PCDH12: variants seen among roughly 807,000 people sequenced by gnomAD.
PCDH12 encodes protocadherin-12.
In PCDH12, 45 loss-of-function variants were observed where a neutral mutation model predicts 70.9. That is an observed-to-expected ratio of 0.63 (90% confidence interval 0.50 to 0.81). PCDH12 has a LOEUF of 0.81. PCDH12 is among the 40% of genes least tolerant of loss of function. PCDH12 has a pLI of 0.00. For missense variants in PCDH12, 1,370 were observed against 1,491.7 expected (o/e 0.92, Z 1.34); for synonymous variants, 567 against 626.0 (o/e 0.91, Z 1.41).
chr5:141,957,906 A>G lies in PCDH12; in HGVS notation c.-55T>C, dbSNP rs1425999527. The stretch of plus-strand genomic sequence containing the variant: ...ACCACTAGAGTTCTTTCAAGGCTGG[A>G]CAAGTCCTCCAGTGTTTCCTGGATG... On this transcript the variant is annotated 5_prime_UTR_variant, in exon 1 of 4. Transcript: ENST00000231484. The surrounding 1 kb of genome is among the most constrained non-coding windows in gnomAD (Gnocchi z 4.3). 3.9e-6 allele frequency: 6 copies of G among 1,552,586 alleles called. No individual in the cohort carries two copies. The highest frequency in any genetic ancestry group is 2.7e-5 in the African/African-American group (2 of 73,878).
Position 141,945,819 on chromosome 5 carries a change from A to AG in PCDH12, c.3131-15dup. ...CCAGGGCCAGACCTGTGGGGGAAGG[A>AG]GGGGACACAGTGAGGGCCAGGCTCC... is the stretch of plus-strand genomic sequence containing the variant. On this transcript the variant is annotated splice_polypyrimidine_tract_variant and intron_variant, in intron 3 of 3. Coordinates refer to ENST00000231484, the MANE Select transcript of PCDH12 (RefSeq NM_016580.4). 1 of 1,604,708 alleles carries AG rather than the reference A, an allele frequency of 6.2e-7. No homozygotes were observed. Among genetic ancestry groups the AG allele is most frequent in the Non-Finnish European group, 8.5e-7 (1 of 1,175,456 alleles).
chr5:141,951,736 C>G (rs1753087389), intron 1 of PCDH12, 146 bp from the exon 2 acceptor site: 1 of 673,804 alleles, frequency 1.5e-6, no homozygotes, highest in Admixed American at 2.2e-5. Context: ...GGGATGGTGC[C>G]CAGTGACAGA....
intron 3 of PCDH12, among the ~76,000 whole-genome samples, chr5:141,947,329 T>C (rs1401857183): frequency 6.6e-6 from 1 of 152,248 alleles, no homozygotes; most frequent in Non-Finnish European, 1.5e-5. Context: ...CCTTAGTTCC[T>C]TGAGACTCTG....
At position 141,955,880 on chromosome 5, in the gene PCDH12, C is replaced by T. The variant is rs150358276; in HGVS notation, c.1972G>A (p.Val658Ile). 126 of 1,614,054 alleles carry T rather than the reference C, an allele frequency of 7.8e-5. No homozygotes were observed. The highest frequency in any genetic ancestry group is 5.5e-4 in the African/African-American group (41 of 74,934). ...ILNPHTGQLFVNVTNASSLIG... is the reference protein window; with the variant it reads ...ILNPHTGQLFINVTNASSLIG... ...AGGCTGCTGGCATTGGTGACATTGA[C>T]GAACAGCTGCCCCGTATGAGGGTTG... The change falls in exon 1 of 4, where the codon GTC (valine) becomes ATC (isoleucine). Residue 658 changes from valine (V) to isoleucine (I), a missense_variant. By Grantham distance (29) the Val-to-Ile change is conservative. Transcript: ENST00000231484. The surrounding 1 kb of genome is among the most constrained non-coding windows in gnomAD (Gnocchi z 5.5).
rs141990944 is a variant in PCDH12, at chr5:141,955,007, C to T, written c.2845G>A (p.Val949Met). Residue 949 changes from valine (V) to methionine (M), a missense_variant, in exon 1 of 4, where the codon GTG (valine) becomes ATG (methionine). By Grantham distance (21) the Val-to-Met change is conservative (BLOSUM62 1). Transcript: ENST00000231484. This position sits in a 1 kb window ranked among gnomAD's most constrained non-coding sequence, Gnocchi z 5.5. ...SVAAFAERNP[V>M]EELTVDSPPV... ...GGAGAATCCACAGTGAGCTCCTCCACGGGGTTCCGCTCGGCGAAGGCAGCC... is the reference window on the plus strand; with the variant it reads ...GGAGAATCCACAGTGAGCTCCTCCATGGGGTTCCGCTCGGCGAAGGCAGCC... The T allele has an allele frequency of 2.3e-4, 371 of 1,613,982 alleles. 3 individuals are homozygous for T. The East Asian group carries it at 6.6e-3, about 29-fold the overall frequency.
At chr5:141,946,903 TAA>T (rs5871795) in intron 3 of PCDH12, among the ~76,000 whole-genome samples, 66,876 of 145,332 alleles carry the variant, frequency 0.46, 15,412 homozygotes, top group East Asian at 0.8. Context: ...TTAAAAAAAT[TAA>T]AAAAAAAAAA....
intron 3 of PCDH12, 118 bp from the exon 4 acceptor site, chr5:141,945,923 GGACA>G (rs1752911339): frequency 2.2e-6 from 2 of 930,180 alleles, no homozygotes; most frequent in African/African-American, 3.3e-5. Flanking sequence ...AAATGGCAGG[GGACA>G]GACAGAGTGG....
rs1246951263 is a variant in PCDH12, at chr5:141,955,633, C to T, written c.2219G>A (p.Cys740Tyr). 1 of 1,614,138 alleles carries T rather than the reference C, an allele frequency of 6.2e-7. No homozygotes were observed. Among genetic ancestry groups the T allele is most frequent in the Admixed American group, 1.7e-5 (1 of 60,012 alleles). Reference protein sequence around the residue: ...GLILALFMSICRTEKKDNRAY... With the variant: ...GLILALFMSIYRTEKKDNRAY... ...CCTGTTGTCCTTCTTTTCTGTCCGG[C>T]AGATGGACATGAACAAAGCCAGGAT... Residue 740 changes from cysteine (C) to tyrosine (Y), a missense_variant, in exon 1 of 4, where the codon TGC (cysteine) becomes TAC (tyrosine). By Grantham distance (194) the Cys-to-Tyr change is radical (BLOSUM62 -2). Transcript: ENST00000231484. This position sits in a 1 kb window ranked among gnomAD's most constrained non-coding sequence, Gnocchi z 5.5.
chr5:141,947,656 A>C (rs946914067), intron 3 of PCDH12, among the ~76,000 whole-genome samples: 1 of 152,040 alleles, frequency 6.6e-6, no homozygotes, highest in African/African-American at 2.4e-5. Flanking sequence ...TATCTTGTGG[A>C]GTTGTTGTGA....
Position 141,956,274 on chromosome 5 carries a change from T to C in PCDH12, c.1578A>G (p.Glu526=), listed in dbSNP as rs752360351. ...CCTGGAACTCAAAGCCGGCCATCTC[T>C]TCATAGTTCAGTGACCTCTGAGCAG... ...EVTAQRSLNY[E]EMAGFEFQVI... is the part of the protein sequence containing the mutation. Residue 526 remains glutamate, a synonymous_variant, in exon 1 of 4, where the codon GAA becomes GAG. Transcript: ENST00000231484. The C allele has an allele frequency of 3.8e-5, 62 of 1,614,094 alleles. No homozygotes were observed. The Middle Eastern group carries it at 6.6e-4, about 17-fold the overall frequency.
chr5:141,946,420 C>T (rs962273937), intron 3 of PCDH12, among the ~76,000 whole-genome samples: 8 of 152,218 alleles, frequency 5.3e-5, no homozygotes, highest in Non-Finnish European at 7.3e-5. Flanking sequence ...TGCTAGGCAA[C>T]CAAACCTCAA....
chr5:141,956,761 G>A lies in PCDH12; in HGVS notation c.1091C>T (p.Ser364Leu). ...VTWASQPSLV[S>L]EALPKDSFIA... ...AAAACTGTCCTTGGGAAGAGCTTCT[G>A]ACACCAGTGATGGCTGGGAGGCCCA... The change falls in exon 1 of 4, where the codon TCA becomes TTA. Residue 364 changes from serine (S) to leucine (L), a missense_variant. Transcript: ENST00000231484. 6.2e-7 allele frequency: 1 copy of A among 1,614,228 alleles called. No individual in the cohort carries two copies. Among genetic ancestry groups the A allele is most frequent in the Non-Finnish European group, 8.5e-7 (1 of 1,180,052 alleles).
intron 1 of PCDH12, chr5:141,953,137 C>T (rs1262072986): frequency 6.6e-6 from 1 of 152,246 alleles, no homozygotes; most frequent in Admixed American, 6.5e-5. Context: ...TGAGCACTGT[C>T]ATTCAGGGTC....
chr5:141,947,652 G>A (rs553873535), intron 3 of PCDH12, among the ~76,000 whole-genome samples: 1 of 152,352 alleles, frequency 6.6e-6, no homozygotes, highest in South Asian at 2.1e-4. Context: ...TACGTATCTT[G>A]TGGAGTTGTT....
rs770910818 is a variant in PCDH12, at chr5:141,957,674, T to A, written c.178A>T (p.Arg60Trp). Reference sequence around the variant, plus strand: ...ACCTGGAAGGCAGCCCCAGCTTGCCTCCGCCTCTCCTCCCGGCCCAGTTCC... The same window carrying A: ...ACCTGGAAGGCAGCCCCAGCTTGCCACCGCCTCTCCTCCCGGCCCAGTTCC... The part of the protein sequence containing the change: ...SQELGREERR[R>W]QAGAAFQVLQ... Residue 60 changes from arginine to tryptophan, a missense_variant, in exon 1 of 4, where the codon AGG (arginine) becomes TGG (tryptophan). By Grantham distance (101) the Arg-to-Trp change is moderately radical (BLOSUM62 -3). Transcript: ENST00000231484. This position sits in a 1 kb window ranked among gnomAD's most constrained non-coding sequence, Gnocchi z 4.3. 5.6e-6 allele frequency: 9 copies of A among 1,614,056 alleles called. No homozygotes were observed. Among genetic ancestry groups the A allele is most frequent in the Non-Finnish European group, 6.8e-6 (8 of 1,180,014 alleles).
At chr5:141,951,067 A>G (rs1753071178) in intron 2 of PCDH12, among the ~76,000 whole-genome samples, 1 of 152,172 alleles carries the variant, frequency 6.6e-6, no homozygotes, top group Non-Finnish European at 1.5e-5. Context: ...GGTGTCTTCA[A>G]TTCTAGGATT....
chr5:141,948,777 T>C (rs960620263), intron 3 of PCDH12, among the ~76,000 whole-genome samples: 1 of 152,122 alleles, frequency 6.6e-6, no homozygotes, highest in African/African-American at 2.4e-5. Flanking sequence ...TGCTCATCTG[T>C]AAATTCGAGG....
Position 141,955,001 on chromosome 5 carries a change from C to T in PCDH12, c.2851G>A (p.Glu951Lys), listed in dbSNP as rs747907583. 1.9e-6 allele frequency: 3 copies of T among 1,613,744 alleles called. No homozygotes were observed. The highest frequency in any genetic ancestry group is 3.3e-5 in the Admixed American group (2 of 60,006). The change falls in exon 1 of 4, where the codon GAG becomes AAG. Residue 951 changes from glutamate to lysine, a missense_variant. By Grantham distance (56) the Glu-to-Lys change is moderately conservative. Transcript: ENST00000231484. This position sits in a 1 kb window ranked among gnomAD's most constrained non-coding sequence, Gnocchi z 5.5. ...AAFAERNPVE[E>K]LTVDSPPVQQ... ...ACAGGAGGAGAATCCACAGTGAGCT[C>T]CTCCACGGGGTTCCGCTCGGCGAAG...
chr5:141,945,903 G>A lies in PCDH12; in HGVS notation c.3131-98C>T. On this transcript the variant is annotated intron_variant, in intron 3 of 3. Transcript: ENST00000231484. ...AGCAGGGCAAGGGCAGTGGACAAAG[G>A]AGGGAAGGGAAATGGCAGGGGACAG... 7 of 1,116,662 alleles carry A rather than the reference G, an allele frequency of 6.3e-6. No homozygotes were observed. The South Asian group carries it at 1.0e-4, about 16-fold the overall frequency. The allele number at this position is 1,116,662 out of a possible 1,614,324, so 69.2% of individuals were successfully genotyped here.
Sources: allele counts gnomAD v4.1 joint callset (sites outside exome capture counted in the v4.1 genomes callset), GRCh38; gene constraint gnomAD v4.1.1; non-coding constraint Gnocchi (gnomAD v3.1); transcripts MANE v1.5; gene names NCBI Gene and HGNC (gene_info 2026-07-23, HGNC 2026-07-21).